Variants in TMEM236 observed in about 807,000 individuals in gnomAD.
TMEM236 encodes the protein transmembrane protein 236.
A neutral mutation model predicts 14.7 loss-of-function variants in TMEM236; 11 were observed. That is an observed-to-expected ratio of 0.75 (90% CI 0.47 to 1.24). The LOEUF is 1.24. Among genes scored for constraint, TMEM236 ranks in the 50% most tolerant of loss-of-function variants. TMEM236 has a pLI of 0.00. For synonymous variants in TMEM236, 182 were observed against 168.6 expected (o/e 1.08, Z -0.62); for missense variants, 464 against 427.3 (o/e 1.09, Z -0.76).
chr10:17,791,805 A>G (rs1309175750), intron 3 of TMEM236, among the ~76,000 whole-genome samples: 1 of 152,184 alleles, frequency 6.6e-6, no homozygotes, highest in Non-Finnish European at 1.5e-5. Flanking sequence ...ATTATCTCTC[A>G]TCACAGAATT....
In TMEM236 at chr10:17,798,351, C is replaced by A. The variant is rs1034804676; in HGVS notation, c.*1847C>A. On this transcript the variant is annotated 3_prime_UTR_variant, in exon 4 of 4. Coordinates refer to ENST00000377495, the MANE Select transcript of TMEM236 (RefSeq NM_001098844.3). ...TCCAGGAGTCTGAGACCAGCCTGGG[C>A]AACATGGAGAGATTCTACCTCTACA... 2,638 of 348,558 alleles carry A rather than the reference C, an allele frequency of 7.6e-3. 70 individuals carry two copies. Among genetic ancestry groups the A allele is most frequent in the African/African-American group, 0.053 (2,444 of 46,520 alleles). The allele number at this position is 348,558 out of a possible 1,614,324, so 21.6% of individuals were successfully genotyped here.
At chr10:17,794,447 A>G (rs1554836246) in intron 3 of TMEM236, among the ~76,000 whole-genome samples, 1 of 152,192 alleles carries the variant, frequency 6.6e-6, no homozygotes, top group Non-Finnish European at 1.5e-5. Flanking sequence ...CATAAAAACA[A>G]TGCCATCAAC....
rs35596189 is a variant in TMEM236 at position 17,759,982 on chromosome 10, CAAAAAAAAA to C, written c.257+7451_257+7459del. The stretch of plus-strand genomic sequence containing the variant: ...TGGACGAAAGAGCGAGACTCCGTCT[CAAAAAAAAA>C]AAAAAAAAAAAAAAAAAAAAGATTG... On this transcript the variant is annotated intron_variant, in intron 1 of 3. Transcript: ENST00000377495. Among the ~76,000 whole-genome samples the C allele has an allele frequency of 6.0e-4, 33 of 54,700 alleles. 1 individual carries two copies. Among genetic ancestry groups the C allele is most frequent in the Middle Eastern group, 0.028 (1 of 36 alleles). 35.9% of individuals were successfully genotyped at this position (54,700 alleles called of 152,430 possible). A position where few individuals can be genotyped will look rare whatever the true frequency, so the allele number is the denominator to read the frequency against.
chr10:17,765,565 C>A (rs1837449252), intron 1 of TMEM236, among the ~76,000 whole-genome samples: 1 of 152,214 alleles, frequency 6.6e-6, no homozygotes, highest in Non-Finnish European at 1.5e-5. Context: ...TTGCTTCCCA[C>A]ATACAATGGT....
At chr10:17,765,004 T>C (rs1430013396) in intron 1 of TMEM236, among the ~76,000 whole-genome samples, 1 of 151,954 alleles carries the variant, frequency 6.6e-6, no homozygotes, top group Non-Finnish European at 1.5e-5. Flanking sequence ...GTATTTTTAG[T>C]AGAGATGGGA....
At chr10:17,753,644 A>G (rs1247670515) in intron 1 of TMEM236, among the ~76,000 whole-genome samples, 2 of 152,142 alleles carry the variant, frequency 1.3e-5, no homozygotes, top group Non-Finnish European at 2.9e-5. Context: ...TATCCATTCT[A>G]TCACTGATGG....
At chr10:17,787,068 T>C (rs1242631089) in intron 3 of TMEM236, among the ~76,000 whole-genome samples, 3 of 152,270 alleles carry the variant, frequency 2.0e-5, no homozygotes, top group African/African-American at 7.2e-5. Flanking sequence ...CTCCTTTTCT[T>C]CCCAGTCTTG....
In TMEM236 at chr10:17,752,210, G is replaced by T. The variant is rs1055225845; in HGVS notation, c.-86G>T. 4,511 of 1,608,816 alleles carry T rather than the reference G, an allele frequency of 2.8e-3. 20 individuals carry two copies. Among genetic ancestry groups the T allele is most frequent in the South Asian group, 3.2e-3 (293 of 90,406 alleles). Reference sequence around the variant, plus strand: ...TTAGCGATTCGAGGACAAGGAACTTGATCCCAGTTCAGTGTCTGTGGGTCC... The same window carrying T: ...TTAGCGATTCGAGGACAAGGAACTTTATCCCAGTTCAGTGTCTGTGGGTCC... On this transcript the variant is annotated 5_prime_UTR_variant, in exon 1 of 4. Coordinates refer to ENST00000377495, the MANE Select transcript of TMEM236 (RefSeq NM_001098844.3).
intron 1 of TMEM236, among the ~76,000 whole-genome samples, chr10:17,754,284 C>T (rs908168280): frequency 6.6e-5 from 10 of 152,266 alleles, no homozygotes; most frequent in African/African-American, 1.2e-4. Flanking sequence ...CCATTAACTA[C>T]GACTTTTAAA....
At chr10:17,761,107 T>TG (rs2131741957) in intron 1 of TMEM236, among the ~76,000 whole-genome samples, 1 of 152,300 alleles carries the variant, frequency 6.6e-6, no homozygotes, top group African/African-American at 2.4e-5. Context: ...TCCTCTCTCT[T>TG]GCATCAGCTC....
chr10:17,795,031 A>C (rs908236632), intron 3 of TMEM236, among the ~76,000 whole-genome samples: 9 of 152,288 alleles, frequency 5.9e-5, no homozygotes, highest in South Asian at 4.1e-4. Flanking sequence ...CTGTCACAAA[A>C]AAACAAACAA....
chr10:17,752,338 C>T lies in TMEM236; in HGVS notation c.43C>T (p.Leu15=), dbSNP rs1311740080. The part of the protein sequence containing the change: ...RLIKFVVFEL[L]EFAAFSIPTL... ...CATTAAGTTCGTGGTTTTTGAGCTC[C>T]TAGAGTTTGCCGCTTTCTCCATCCC... is the stretch of plus-strand genomic sequence containing the variant. The change falls in exon 1 of 4, where the codon CTA becomes TTA. Residue 15 remains leucine (L), a synonymous_variant. Coordinates refer to ENST00000377495, the MANE Select transcript of TMEM236 (RefSeq NM_001098844.3). The T allele has an allele frequency of 1.9e-6, 3 of 1,613,696 alleles. No homozygotes were observed. Among genetic ancestry groups the T allele is most frequent in the Non-Finnish European group, 1.7e-6 (2 of 1,179,854 alleles).
intron 3 of TMEM236, among the ~76,000 whole-genome samples, chr10:17,783,007 C>T (rs1837778795): frequency 1.3e-5 from 2 of 152,256 alleles, no homozygotes; most frequent in Middle Eastern, 3.4e-3. Flanking sequence ...GGTTAAAGCA[C>T]GTGTCCATGT....
chr10:17,770,550 A>G (rs1837553363), intron 1 of TMEM236, among the ~76,000 whole-genome samples: 1 of 151,992 alleles, frequency 6.6e-6, no homozygotes, highest in African/African-American at 2.4e-5. Flanking sequence ...CGCCCGGCTA[A>G]TATTTTGTAT....
intron 1 of TMEM236, among the ~76,000 whole-genome samples, chr10:17,768,091 T>TTTTTTG (rs1837501648): frequency 7.9e-6 from 1 of 126,596 alleles, no homozygotes. Flanking sequence ...TTGTGGTTTT[T>TTTTTTG]TTTTTTTTTT....
chr10:17,792,943 C>A (rs541523962), intron 3 of TMEM236, among the ~76,000 whole-genome samples: 37 of 152,348 alleles, frequency 2.4e-4, no homozygotes, highest in African/African-American at 7.5e-4. Context: ...TGACCCTGTA[C>A]TTTGCTCCGA....
intron 1 of TMEM236, among the ~76,000 whole-genome samples, chr10:17,759,039 T>C (rs1312126338): frequency 6.6e-6 from 1 of 152,204 alleles, no homozygotes; most frequent in Non-Finnish European, 1.5e-5. Context: ...TACTGGAGGC[T>C]GAACTTTAAT....
intron 3 of TMEM236, among the ~76,000 whole-genome samples, chr10:17,782,577 G>T (rs1051224697): frequency 6.6e-6 from 1 of 151,904 alleles, no homozygotes; most frequent in African/African-American, 2.4e-5. Context: ...TCAGCCTCCC[G>T]AGTAGCTGGG....
chr10:17,777,776 A>G (rs1837682816), intron 3 of TMEM236, among the ~76,000 whole-genome samples: 1 of 151,446 alleles, frequency 6.6e-6, no homozygotes, highest in Admixed American at 6.6e-5. Context: ...TTTGAGACGG[A>G]GTCTTGCTCT....
Sources: allele counts gnomAD v4.1 joint callset (sites outside exome capture counted in the v4.1 genomes callset), GRCh38; gene constraint gnomAD v4.1.1; transcripts MANE v1.5; gene names NCBI Gene and HGNC (gene_info 2026-07-23, HGNC 2026-07-21).